GALNTL6: variants seen among roughly 807,000 people sequenced by gnomAD.
GALNTL6 encodes the protein polypeptide N-acetylgalactosaminyltransferase like 6, also known as polypeptide N-acetylgalactosaminyltransferase-like 6.
A neutral mutation model predicts 73.7 loss-of-function variants in GALNTL6; 46 were observed. That is an observed-to-expected ratio of 0.62 (90% CI 0.49 to 0.80). The LOEUF (loss-of-function observed/expected upper bound fraction) is 0.80. Among genes scored for constraint, GALNTL6 ranks in the 30% least tolerant of loss-of-function variants. The pLI is 0.00. For synonymous variants in GALNTL6, 259 were observed against 263.7 expected, an observed-to-expected ratio of 0.98 and a Z score of 0.17; for missense variants, 604 against 755.0, an observed-to-expected ratio of 0.80 and a Z score of 2.34.
rs1184425927 is a variant in GALNTL6, at chr4:172,755,271, T to TAGATAGATA, written c.554-54089_554-54088insGATAGATAA. On this transcript the variant is annotated intron_variant, in intron 5 of 12. Coordinates refer to ENST00000506823, the MANE Select transcript of GALNTL6 (RefSeq NM_001034845.3). The stretch of plus-strand genomic sequence containing the variant: ...ATAGATAGATAGATAGATAGATAGA[T>TAGATAGATA]AATTGATAAATAGATGCTTTTACAA... Among the ~76,000 whole-genome samples the TAGATAGATA allele has an allele frequency of 6.9e-4, 104 of 151,382 alleles. 1 individual carries two copies. Among genetic ancestry groups the TAGATAGATA allele is most frequent in the African/African-American group, 2.4e-3 (97 of 41,164 alleles).
chr4:172,322,050 G>A (rs904779844), intron 4 of GALNTL6, among the ~76,000 whole-genome samples: 5 of 152,058 alleles, frequency 3.3e-5, no homozygotes, highest in African/African-American at 4.8e-5. Context: ...AGAGAAGAAC[G>A]CCTCAAGTGA....
chr4:172,659,499 T>G (rs12643395), intron 5 of GALNTL6, among the ~76,000 whole-genome samples: 20,405 of 152,130 alleles, frequency 0.13, 1,581 homozygotes, highest in East Asian at 0.25. Flanking sequence ...TTTTTGTCCC[T>G]TCTTTAAGCA....
chr4:172,209,391 A>T (rs1736251908), intron 2 of GALNTL6, among the ~76,000 whole-genome samples: 1 of 151,816 alleles, frequency 6.6e-6, no homozygotes, highest in African/African-American at 2.4e-5. Context: ...CTATTTGAAG[A>T]ATTATGAATT....
chr4:172,052,910 A>AAGTTATACTTG (rs1730917322), intron 2 of GALNTL6, among the ~76,000 whole-genome samples: 1 of 152,138 alleles, frequency 6.6e-6, no homozygotes, highest in Non-Finnish European at 1.5e-5. Flanking sequence ...CAAAAAAACT[A>AAGTTATACTTG]AGTTATACTT....
chr4:172,706,230 G>A (rs1175474891), intron 5 of GALNTL6, among the ~76,000 whole-genome samples: 2 of 151,676 alleles, frequency 1.3e-5, no homozygotes, highest in Non-Finnish European at 2.9e-5. Flanking sequence ...GCTTGATTCA[G>A]TCTGCTGTTG....
At chr4:172,614,455 A>G (rs985996312) in intron 5 of GALNTL6, among the ~76,000 whole-genome samples, 1 of 152,152 alleles carries the variant, frequency 6.6e-6, no homozygotes, top group Non-Finnish European at 1.5e-5. Context: ...TAATTGTTCT[A>G]TATAAGTTTA....
At chr4:172,380,529 G>C (rs1483664697) in intron 5 of GALNTL6, 2 of 386,326 alleles carry the variant, frequency 5.2e-6, no homozygotes, top group Non-Finnish European at 1.0e-5. Context: ...CTAACTTCTA[G>C]TTTATATATC....
intron 2 of GALNTL6, among the ~76,000 whole-genome samples, chr4:172,115,894 T>C (rs913536609): frequency 1.3e-5 from 2 of 152,092 alleles, no homozygotes; most frequent in African/African-American, 4.8e-5. Flanking sequence ...TTCTTGAACA[T>C]TGCTTTAAAG....
At chr4:172,913,450 AAGG>A (rs764807623) in intron 8 of GALNTL6, among the ~76,000 whole-genome samples, 2 of 152,306 alleles carry the variant, frequency 1.3e-5, no homozygotes, top group Non-Finnish European at 2.9e-5. Context: ...CTTCGAGCTA[AAGG>A]AGGATGTTCG....
Position 172,586,747 on chromosome 4 carries a change from C to A in GALNTL6, c.554-222614C>A, listed in dbSNP as rs1261912070. ...TTTGAAAGAGCATTTATAGTATTTG[C>A]TGTTCTGCAGAATGTTTTATGATTT... On this transcript the variant is annotated intron_variant, in intron 5 of 12. Coordinates refer to ENST00000506823, the MANE Select transcript of GALNTL6 (RefSeq NM_001034845.3). 5.3e-5 allele frequency among the ~76,000 whole-genome samples: 8 copies of A among 152,290 alleles called. No homozygotes were observed. The East Asian group carries it at 1.5e-3, about 29-fold the overall frequency.
At chr4:172,994,359 GT>G (rs1751679651) in intron 10 of GALNTL6, among the ~76,000 whole-genome samples, 2 of 152,144 alleles carry the variant, frequency 1.3e-5, no homozygotes, top group South Asian at 4.2e-4. Flanking sequence ...AAATTCAACA[GT>G]TTAGGTCCCC....
rs185992433 is a variant in GALNTL6 at position 172,100,618 on chromosome 4, C to T, written c.139-129038C>T. Among the ~76,000 whole-genome samples the T allele has an allele frequency of 3.3e-5, 5 of 152,228 alleles. No homozygotes were observed. The East Asian group carries it at 9.7e-4, about 29-fold the overall frequency. On this transcript the variant is annotated intron_variant, in intron 2 of 12. Transcript: ENST00000506823. The stretch of plus-strand genomic sequence containing the variant: ...TAGCTATAATTAATTGAATGTTTAT[C>T]ATGTTCCAGGCATAGTGTAATGTGA...
intron 5 of GALNTL6, among the ~76,000 whole-genome samples, chr4:172,415,090 C>T (rs1406732785): frequency 6.6e-6 from 1 of 152,034 alleles, no homozygotes; most frequent in African/African-American, 2.4e-5. Context: ...TTTCTATTTC[C>T]AGACTTTTCC....
At chr4:172,405,443 ATTTTTTTTTTTT>A (rs201198149) in intron 5 of GALNTL6, among the ~76,000 whole-genome samples, 6 of 7,886 alleles carry the variant, frequency 7.6e-4, no homozygotes, top group African/African-American at 2.5e-3. Context: ...ATATATATAT[ATTTTTTTTTTTT>A]TTTTTTTTTT....
chr4:172,576,759 A>T (rs527761654), intron 5 of GALNTL6, among the ~76,000 whole-genome samples: 17 of 152,288 alleles, frequency 1.1e-4, no homozygotes, highest in Non-Finnish European at 1.6e-4. Context: ...CACTAAGAAA[A>T]AGCCTAATAA....
intron 5 of GALNTL6, among the ~76,000 whole-genome samples, chr4:172,741,835 C>T (rs1307118971): frequency 3.3e-5 from 5 of 151,962 alleles, no homozygotes; most frequent in African/African-American, 9.7e-5. Context: ...TCATAGTCAT[C>T]TTTGAGAAGT....
intron 5 of GALNTL6, among the ~76,000 whole-genome samples, chr4:172,555,786 C>CT (rs1440353911): frequency 6.6e-6 from 1 of 151,928 alleles, no homozygotes; most frequent in African/African-American, 2.4e-5. Context: ...ATTTTTAACT[C>CT]TAAGATTGGG....
intron 2 of GALNTL6, among the ~76,000 whole-genome samples, chr4:171,853,893 T>C (rs759818834): frequency 5.9e-5 from 9 of 152,106 alleles, no homozygotes; most frequent in Non-Finnish European, 1.3e-4. Flanking sequence ...ATTACAGGCG[T>C]GAGCCACCGC....
At chr4:172,579,284 T>G (rs1195016226) in intron 5 of GALNTL6, among the ~76,000 whole-genome samples, 1 of 152,190 alleles carries the variant, frequency 6.6e-6, no homozygotes, top group African/African-American at 2.4e-5. Flanking sequence ...TAATCAAAAT[T>G]TTTTCAACGC....
Sources: allele counts gnomAD v4.1 joint callset (sites outside exome capture counted in the v4.1 genomes callset), GRCh38; gene constraint gnomAD v4.1.1; transcripts MANE v1.5; gene names NCBI Gene and HGNC (gene_info 2026-07-23, HGNC 2026-07-21).